The following PRKCE variants were observed in gnomAD, a reference collection of about 807,000 sequenced individuals.
The protein encoded by PRKCE is protein kinase C epsilon.
In PRKCE, 16 loss-of-function variants were observed where a neutral mutation model predicts 85.4. The ratio of observed to expected loss-of-function variants is 0.19; its 90% confidence interval spans 0.13 to 0.28. PRKCE has a LOEUF of 0.28. PRKCE is among the 10% of genes least tolerant of loss of function. The pLI, the probability that PRKCE is intolerant of heterozygous loss-of-function variation, is 1.00. For missense variants in PRKCE, 573 were observed against 975.2 expected (o/e 0.59, Z 5.49); for synonymous variants, 388 against 371.5 (o/e 1.04, Z -0.51).
intron 2 of PRKCE, among the ~76,000 whole-genome samples, chr2:45,901,144 G>T (rs143674783): frequency 6.6e-6 from 1 of 152,306 alleles, no homozygotes; most frequent in East Asian, 1.9e-4. Context: ...TAGATGTTTG[G>T]AATCCATTTT....
chr2:45,901,405 T>C (rs1696573142), intron 2 of PRKCE, among the ~76,000 whole-genome samples: 1 of 152,228 alleles, frequency 6.6e-6, no homozygotes. Flanking sequence ...TCATGTAATA[T>C]TTTTAGGAAC....
At chr2:45,977,185 T>C (rs1702523475) in intron 3 of PRKCE, among the ~76,000 whole-genome samples, 1 of 152,124 alleles carries the variant, frequency 6.6e-6, no homozygotes, top group African/African-American at 2.4e-5. Context: ...ATGTGAGCCA[T>C]TGTACCCAGC....
At chr2:45,671,943 GC>G (rs1676182167) in intron 1 of PRKCE, among the ~76,000 whole-genome samples, 1 of 151,912 alleles carries the variant, frequency 6.6e-6, no homozygotes, top group African/African-American at 2.4e-5. Flanking sequence ...TGCACCTGTG[GC>G]CCCGGCTACT....
chr2:46,132,995 A>G (rs955416327), intron 11 of PRKCE, among the ~76,000 whole-genome samples: 1 of 152,076 alleles, frequency 6.6e-6, no homozygotes, highest in East Asian at 1.9e-4. Context: ...TCAGCTCTTT[A>G]TCTGGGCTGG....
chr2:46,141,673 T>C (rs1675545770), intron 11 of PRKCE, among the ~76,000 whole-genome samples: 1 of 152,140 alleles, frequency 6.6e-6, no homozygotes, highest in South Asian at 2.1e-4. Context: ...GAAATTTTGC[T>C]GGATTTTCCC....
intron 2 of PRKCE, among the ~76,000 whole-genome samples, chr2:45,943,143 T>C (rs1700003588): frequency 6.6e-6 from 1 of 152,242 alleles, no homozygotes; most frequent in South Asian, 2.1e-4. Context: ...TTCAGGAGGC[T>C]TTAAGAGCTC....
intron 11 of PRKCE, among the ~76,000 whole-genome samples, chr2:46,120,606 GT>G (rs1361732130): frequency 6.6e-6 from 1 of 152,142 alleles, no homozygotes; most frequent in East Asian, 1.9e-4. Context: ...ATATTTGCAG[GT>G]TTTTCAGACC....
At chr2:45,684,176 C>CA (rs1677110976) in intron 1 of PRKCE, among the ~76,000 whole-genome samples, 1 of 152,218 alleles carries the variant, frequency 6.6e-6, no homozygotes, top group Admixed American at 6.5e-5. Context: ...AACCTGCTCC[C>CA]AGGAGCTTCT....
At chr2:46,180,472 G>T in intron 14 of PRKCE, among the ~76,000 whole-genome samples, 1 of 152,276 alleles carries the variant, frequency 6.6e-6, no homozygotes, top group Admixed American at 6.5e-5. Context: ...GCTGGAGGAA[G>T]CACTAGGATG....
chr2:46,116,640 C>G (rs1672796115), intron 11 of PRKCE, among the ~76,000 whole-genome samples: 1 of 152,124 alleles, frequency 6.6e-6, no homozygotes, highest in African/African-American at 2.4e-5. Flanking sequence ...TGCTTGTTAG[C>G]CAAGTTCATG....
intron 1 of PRKCE, among the ~76,000 whole-genome samples, chr2:45,705,038 G>A (rs772241674): frequency 3.9e-5 from 6 of 152,192 alleles, no homozygotes; most frequent in Admixed American, 3.9e-4. Context: ...ATGAGATAAA[G>A]CAGGTGGAGT....
chr2:45,656,657 T>C (rs551565096), intron 1 of PRKCE, among the ~76,000 whole-genome samples: 43 of 152,344 alleles, frequency 2.8e-4, no homozygotes, highest in African/African-American at 8.9e-4. Context: ...TATAGATCCA[T>C]ATAGATAAAA....
intron 1 of PRKCE, among the ~76,000 whole-genome samples, chr2:45,731,826 C>T (rs1201253080): frequency 6.6e-6 from 1 of 152,006 alleles, no homozygotes; most frequent in Non-Finnish European, 1.5e-5. Flanking sequence ...CCGTGTTACC[C>T]AGGCTGGTCT....
chr2:46,108,267 T>G (rs1477250549), intron 11 of PRKCE, among the ~76,000 whole-genome samples: 3 of 152,210 alleles, frequency 2.0e-5, no homozygotes, highest in Non-Finnish European at 4.4e-5. Flanking sequence ...CTTTATCAGA[T>G]AAGTGTTTTT....
chr2:45,927,330 C>T (rs1435765693), intron 2 of PRKCE, among the ~76,000 whole-genome samples: 1 of 152,206 alleles, frequency 6.6e-6, no homozygotes, highest in Non-Finnish European at 1.5e-5. Context: ...TATTCATTGA[C>T]ATGCCTCAAT....
At chr2:45,891,662 A>G (rs971323498) in intron 2 of PRKCE, among the ~76,000 whole-genome samples, 7 of 152,148 alleles carry the variant, frequency 4.6e-5, no homozygotes, top group East Asian at 1.9e-4. Flanking sequence ...CAATCATGCA[A>G]TGGGGATCTT....
chr2:45,881,017 G>C (rs1694844268), intron 2 of PRKCE, among the ~76,000 whole-genome samples: 1 of 151,376 alleles, frequency 6.6e-6, no homozygotes, highest in African/African-American at 2.4e-5. Context: ...GCTGGGCGTA[G>C]TGGCGGGCGC....
chr2:45,799,216 A>G (rs907958192), intron 1 of PRKCE, among the ~76,000 whole-genome samples: 1 of 151,672 alleles, frequency 6.6e-6, no homozygotes, highest in African/African-American at 2.4e-5. Flanking sequence ...TTGATGTTCT[A>G]TTATTTATTC....
intron 1 of PRKCE, among the ~76,000 whole-genome samples, chr2:45,709,429 C>T (rs1248364815): frequency 6.6e-6 from 1 of 152,230 alleles, no homozygotes; most frequent in Non-Finnish European, 1.5e-5. Context: ...TTGGACAAGG[C>T]CCTTCTCTGG....
Sources: gnomAD v4.1 joint callset for allele counts (sites outside exome capture counted in the v4.1 genomes callset) on GRCh38, gnomAD v4.1.1 for gene constraint, MANE v1.5 for transcripts, NCBI Gene and HGNC (gene_info 2026-07-23, HGNC 2026-07-21) for gene names.